Variants in MBD5 observed in about 807,000 individuals in gnomAD.
MBD5 encodes methyl-CpG-binding domain protein 5.
Under a neutral mutation model 117.3 loss-of-function variants are expected in MBD5, and 13 were observed. That is an observed-to-expected ratio of 0.11 (90% confidence interval 0.07 to 0.18). The LOEUF (loss-of-function observed/expected upper bound fraction) is 0.18, where lower values mean the gene tolerates loss of function less well. MBD5 is among the 10% of genes least tolerant of loss of function. The probability of loss-of-function intolerance (pLI) is 1.00; values close to 1 mark genes in which losing one functional copy is unlikely to be tolerated. For synonymous variants in MBD5, 727 were observed against 766.4 expected, an observed-to-expected ratio of 0.95 and a Z score of 0.85; for missense variants, 1,879 against 2,093.8, an observed-to-expected ratio of 0.90 and a Z score of 2.00.
chr2:148,145,998 T>C (rs1697450718), intron 1 of MBD5, among the ~76,000 whole-genome samples: 1 of 152,212 alleles, frequency 6.6e-6, no homozygotes. Context: ...CTTTTTCTAT[T>C]GATTGGTACC....
chr2:148,098,388 A>C (rs1212646485), intron 1 of MBD5, among the ~76,000 whole-genome samples: 1 of 152,330 alleles, frequency 6.6e-6, no homozygotes, highest in Non-Finnish European at 1.5e-5. Flanking sequence ...CATTCAAGAT[A>C]TCAAAGTGTT....
chr2:148,112,031 A>G (rs1233613050), intron 1 of MBD5, among the ~76,000 whole-genome samples: 1 of 152,208 alleles, frequency 6.6e-6, no homozygotes, highest in African/African-American at 2.4e-5. Context: ...GACTGCAGGA[A>G]ACTGAAACCA....
intron 11 of MBD5, among the ~76,000 whole-genome samples, chr2:148,498,325 A>G (rs1681765324): frequency 6.6e-6 from 1 of 152,214 alleles, no homozygotes; most frequent in Non-Finnish European, 1.5e-5. Context: ...AGCTCTATTT[A>G]AAAGTGATCT....
chr2:148,149,172 G>C (rs536461429), intron 1 of MBD5, among the ~76,000 whole-genome samples: 167 of 143,664 alleles, frequency 1.2e-3, no homozygotes, highest in Non-Finnish European at 1.9e-3. Flanking sequence ...TCCCACCTAT[G>C]AGTGAGAATA....
At chr2:148,399,657 C>A (rs1704853763) in intron 4 of MBD5, among the ~76,000 whole-genome samples, 1 of 152,040 alleles carries the variant, frequency 6.6e-6, no homozygotes, top group South Asian at 2.1e-4. Context: ...CCTTCTCCTG[C>A]CTGATTGCCC....
chr2:148,480,358 T>G (rs1264720106), intron 8 of MBD5, among the ~76,000 whole-genome samples: 2 of 152,144 alleles, frequency 1.3e-5, no homozygotes. Flanking sequence ...AAGATTAAAA[T>G]TATAATAATC....
At chr2:148,430,893 A>G (rs973869611) in intron 4 of MBD5, among the ~76,000 whole-genome samples, 2 of 152,170 alleles carry the variant, frequency 1.3e-5, no homozygotes, top group Non-Finnish European at 2.9e-5. Flanking sequence ...ATAGTTGGTT[A>G]ATTGAAAAGA....
chr2:148,488,410 G>C (rs1559097967), intron 10 of MBD5, among the ~76,000 whole-genome samples: 1 of 152,098 alleles, frequency 6.6e-6, no homozygotes, highest in Non-Finnish European at 1.5e-5. Context: ...AATTCCTATA[G>C]ACAAATATCA....
intron 3 of MBD5, among the ~76,000 whole-genome samples, chr2:148,240,326 T>C (rs894206695): frequency 1.3e-5 from 2 of 151,950 alleles, no homozygotes; most frequent in East Asian, 1.9e-4. Flanking sequence ...AAATGATGAG[T>C]TAATGGGTGC....
Position 148,146,025 on chromosome 2 carries a change from A to C in MBD5, c.-924-32675A>C, listed in dbSNP as rs182850171. On this transcript the variant is annotated intron_variant, in intron 1 of 13. Transcript: ENST00000642680. ...ATTGGTACCATTCCTTCTAAAATCA[A>C]TTCTAAAAATACAGTATCCCACCTT... Among the ~76,000 whole-genome samples the C allele has an allele frequency of 3.3e-5, 5 of 152,254 alleles. No homozygotes were observed. The East Asian group carries it at 5.8e-4, about 18-fold the overall frequency.
At chr2:148,258,398 G>T (rs1005185719) in intron 3 of MBD5, among the ~76,000 whole-genome samples, 1 of 152,082 alleles carries the variant, frequency 6.6e-6, no homozygotes, top group Admixed American at 6.6e-5. Flanking sequence ...ACTTATTCAG[G>T]TTCCCATAAA....
chr2:148,444,090 A>C (rs187359028), intron 4 of MBD5, among the ~76,000 whole-genome samples: 3 of 149,250 alleles, frequency 2.0e-5, no homozygotes, highest in East Asian at 3.9e-4. Flanking sequence ...TTGTGTATAC[A>C]TAAAGTGTTC....
rs769480362 is a variant in MBD5, at chr2:148,470,314, G to A, written c.2371G>A (p.Gly791Arg). 12 of 1,613,786 alleles carry A rather than the reference G, an allele frequency of 7.4e-6. No individual in the cohort carries two copies. The highest frequency in any genetic ancestry group is 3.3e-5 in the South Asian group (3 of 91,080). ...AGLINQIQAS[G>R]NCGMLSQSGM... is the part of the protein sequence containing the mutation. The stretch of plus-strand genomic sequence containing the variant: ...TTTAATAAATCAGATTCAGGCTAGC[G>A]GGAACTGTGGGATGCTCAGTCAGTC... Residue 791 changes from glycine (G) to arginine (R), a missense_variant, in exon 8 of 14, where the codon GGG becomes AGG. Physicochemically the swap from Gly to Arg is moderately radical, Grantham distance 125. This residue lies in a region of MBD5 where 1,666 missense variants were observed against 1,792.2 expected (regional missense o/e 0.93). Transcript: ENST00000642680.
chr2:148,040,058 C>G (rs1327982554), intron 1 of MBD5, among the ~76,000 whole-genome samples: 1 of 151,840 alleles, frequency 6.6e-6, no homozygotes, highest in Non-Finnish European at 1.5e-5. Context: ...GGGAGAGGAT[C>G]AAAAAACTAT....
chr2:148,209,821 A>G (rs765498618), intron 2 of MBD5, among the ~76,000 whole-genome samples: 1 of 152,058 alleles, frequency 6.6e-6, no homozygotes, highest in Non-Finnish European at 1.5e-5. Context: ...TTAAACAACC[A>G]TATTTCACAT....
chr2:148,268,328 C>T (rs571714274), intron 3 of MBD5, among the ~76,000 whole-genome samples: 5 of 152,204 alleles, frequency 3.3e-5, no homozygotes, highest in African/African-American at 1.2e-4. Flanking sequence ...GCAATCCCCC[C>T]ACCCAGGCCT....
At chr2:148,165,607 T>C (rs1349027970) in intron 1 of MBD5, among the ~76,000 whole-genome samples, 2 of 152,098 alleles carry the variant, frequency 1.3e-5, no homozygotes, top group African/African-American at 2.4e-5. Context: ...CGTACTAAGA[T>C]TAATTTACAT....
chr2:148,108,397 C>T (rs193151101), intron 1 of MBD5, among the ~76,000 whole-genome samples: 6 of 152,096 alleles, frequency 3.9e-5, no homozygotes, highest in Admixed American at 1.3e-4. Flanking sequence ...ACTGAAAATG[C>T]GGTAAGCTCT....
intron 9 of MBD5, chr2:148,485,060 TCTC>T (rs1252791720): frequency 2.6e-5 from 4 of 152,154 alleles, no homozygotes; most frequent in South Asian, 4.1e-4. Context: ...TCTATGACAT[TCTC>T]CTCAAGAAAA....
Sources: gnomAD v4.1 joint callset for allele counts (sites outside exome capture counted in the v4.1 genomes callset) on GRCh38, gnomAD v4.1.1 for gene constraint, gnomAD v4.1.1 regional missense constraint, MANE v1.5 for transcripts, NCBI Gene and HGNC (gene_info 2026-07-23, HGNC 2026-07-21) for gene names.